The following KDM1A variants were observed in gnomAD, a reference collection of about 807,000 sequenced individuals.
The protein encoded by KDM1A is lysine demethylase 1A, also known as lysine-specific histone demethylase 1A.
KDM1A carries 49 observed loss-of-function variants against 109.4 expected under a neutral mutation model. That is an observed-to-expected ratio of 0.45 (90% CI 0.36 to 0.57). The LOEUF (loss-of-function observed/expected upper bound fraction) is 0.57. KDM1A is among the 20% of genes least tolerant of loss of function. The probability of loss-of-function intolerance (pLI) is 0.00; values close to 1 mark genes in which losing one functional copy is unlikely to be tolerated. For missense variants in KDM1A, 668 were observed against 1,116.6 expected (o/e 0.60, Z 5.73); for synonymous variants, 380 against 415.4 (o/e 0.91, Z 1.04).
intron 18 of KDM1A, 43 bp from the exon 19 acceptor site, chr1:23,081,403 A>T (rs1462713820): frequency 6.2e-7 from 1 of 1,605,514 alleles, no homozygotes; most frequent in Middle Eastern, 1.7e-4. Flanking sequence ...TTTTGAGGAA[A>T]GTCTGTAGGA....
chr1:23,023,298 C>CA (rs1641697016), intron 1 of KDM1A, among the ~76,000 whole-genome samples: 1 of 152,192 alleles, frequency 6.6e-6, no homozygotes. Flanking sequence ...TATCCAATGT[C>CA]ACGAGGATTT....
Position 23,019,901 on chromosome 1 carries a change from C to T in KDM1A, c.305C>T (p.Ala102Val), listed in dbSNP as rs1262946068. The change falls in exon 1 of 21, where the codon GCA (alanine) becomes GTA (valine). Residue 102 changes from alanine (A) to valine (V), a missense_variant. By Grantham distance (64) the Ala-to-Val change is moderately conservative. Around this residue, in one of 8 missense-constraint regions of KDM1A, gnomAD observed 156 missense variants for 163.4 expected, o/e 0.95. Transcript: ENST00000400181. ...GCGACCCCCATGGAAACTGGAATAG[C>T]AGAGACTCCGGAGGGGCGTCGGACC... ...GSATPMETGI[A>V]ETPEGRRTSR... 6 of 1,572,978 alleles carry T rather than the reference C, an allele frequency of 3.8e-6. No homozygotes were observed. Among genetic ancestry groups the T allele is most frequent in the Non-Finnish European group, 4.3e-6 (5 of 1,162,180 alleles).
chr1:23,048,196 A>T (rs979013549), intron 3 of KDM1A, among the ~76,000 whole-genome samples: 1 of 152,134 alleles, frequency 6.6e-6, no homozygotes, highest in African/African-American at 2.4e-5. Flanking sequence ...CTCAGGATTT[A>T]ATGTGTAGAT....
intron 2 of KDM1A, among the ~76,000 whole-genome samples, chr1:23,043,288 G>A (rs1031984996): frequency 1.3e-5 from 2 of 152,174 alleles, no homozygotes; most frequent in African/African-American, 2.4e-5. Context: ...CCCTTCAGAC[G>A]AGAGCTTAGT....
intron 3 of KDM1A, among the ~76,000 whole-genome samples, chr1:23,047,022 T>G (rs532285772): frequency 2.3e-4 from 35 of 152,348 alleles, no homozygotes; most frequent in African/African-American, 8.4e-4. Flanking sequence ...GTACTGTTGG[T>G]ACTTTTAGGA....
intron 1 of KDM1A, among the ~76,000 whole-genome samples, chr1:23,022,768 C>T (rs1309528789): frequency 1.3e-5 from 2 of 150,900 alleles, no homozygotes; most frequent in Non-Finnish European, 2.9e-5. Context: ...AAGCGATTCT[C>T]CTGCCTTAGC....
chr1:23,078,067 G>A (rs1375302448), intron 16 of KDM1A, among the ~76,000 whole-genome samples: 3 of 152,170 alleles, frequency 2.0e-5, no homozygotes, highest in African/African-American at 7.2e-5. Flanking sequence ...ACCCATGTAT[G>A]ACTATGTAGG....
intron 16 of KDM1A, among the ~76,000 whole-genome samples, chr1:23,078,253 T>TGA (rs1643522774): frequency 6.6e-6 from 1 of 152,230 alleles, no homozygotes; most frequent in Non-Finnish European, 1.5e-5. Flanking sequence ...TCTGCAGCCT[T>TGA]GAGCCTTTTG....
At chr1:23,069,921 T>TA (rs1643269837) in intron 12 of KDM1A, among the ~76,000 whole-genome samples, 1 of 151,620 alleles carries the variant, frequency 6.6e-6, no homozygotes, top group Admixed American at 6.5e-5. Context: ...AGGGGGCCTT[T>TA]ATAGTGCATA....
chr1:23,055,908 T>C (rs1332722123), intron 6 of KDM1A, 24 bp from the exon 7 acceptor site: 4 of 1,500,768 alleles, frequency 2.7e-6, no homozygotes, highest in Non-Finnish European at 3.6e-6. Flanking sequence ...AAACAAAATC[T>C]TTTTTTTCAT....
intron 2 of KDM1A, among the ~76,000 whole-genome samples, chr1:23,042,491 C>T (rs1228137246): frequency 1.9e-5 from 2 of 103,006 alleles, no homozygotes; most frequent in South Asian, 3.6e-4. Context: ...CTCGCTCTGT[C>T]GCCCAGGCTG....
At chr1:23,063,054 T>TG (rs1369243743) in intron 9 of KDM1A, among the ~76,000 whole-genome samples, 1 of 151,888 alleles carries the variant, frequency 6.6e-6, no homozygotes, top group African/African-American at 2.4e-5. Flanking sequence ...GCACAATTGG[T>TG]GGGGGAGACA....
Position 23,055,057 on chromosome 1 carries a change from C to T in KDM1A, c.791-12C>T. 6.5e-7 allele frequency: 1 copy of T among 1,548,272 alleles called. No homozygotes were observed. Among genetic ancestry groups the T allele is most frequent in the Non-Finnish European group, 8.8e-7 (1 of 1,134,198 alleles). ...AAAATAAAACCGTGTTTTTAATCCACTTATTCTGTAGGTGATACTGTGCTT... is the reference window on the plus strand; with the variant it reads ...AAAATAAAACCGTGTTTTTAATCCATTTATTCTGTAGGTGATACTGTGCTT... On this transcript the variant is annotated splice_polypyrimidine_tract_variant and intron_variant, in intron 5 of 20. Coordinates refer to ENST00000400181, the MANE Select transcript of KDM1A (RefSeq NM_001009999.3).
At chr1:23,032,931 G>T (rs1180021360) in intron 2 of KDM1A, among the ~76,000 whole-genome samples, 1 of 152,154 alleles carries the variant, frequency 6.6e-6, no homozygotes, top group Admixed American at 6.5e-5. Context: ...ACGGAGTCTC[G>T]CTCTGTCGCC....
At chr1:23,033,684 T>C (rs1404795584) in intron 2 of KDM1A, among the ~76,000 whole-genome samples, 1 of 152,242 alleles carries the variant, frequency 6.6e-6, no homozygotes, top group Non-Finnish European at 1.5e-5. Flanking sequence ...CAAGGTATTC[T>C]GAAGTCAGTG....
At chr1:23,036,194 T>C (rs1401233278) in intron 2 of KDM1A, among the ~76,000 whole-genome samples, 2 of 152,084 alleles carry the variant, frequency 1.3e-5, no homozygotes, top group Non-Finnish European at 2.9e-5. Context: ...CTTTCAGGTT[T>C]AGTGAGGATT....
intron 2 of KDM1A, among the ~76,000 whole-genome samples, chr1:23,032,055 G>A (rs749945422): frequency 3.3e-5 from 5 of 151,946 alleles, no homozygotes; most frequent in Admixed American, 6.5e-5. Context: ...TTCACCCTGT[G>A]CTCTTTTCTT....
intron 9 of KDM1A, among the ~76,000 whole-genome samples, chr1:23,063,244 GT>G (rs1276761730): frequency 7.0e-6 from 1 of 141,880 alleles, no homozygotes; most frequent in Admixed American, 7.2e-5. Context: ...GTGTGTGTGT[GT>G]GTGTGTGTGT....
At chr1:23,061,057 G>A (rs1009581358) in intron 9 of KDM1A, among the ~76,000 whole-genome samples, 3 of 152,190 alleles carry the variant, frequency 2.0e-5, no homozygotes, top group Non-Finnish European at 2.9e-5. Flanking sequence ...CTTTTTTCTA[G>A]TAGAGATATC....
Sources: gnomAD v4.1 joint callset for allele counts (sites outside exome capture counted in the v4.1 genomes callset) on GRCh38, gnomAD v4.1.1 for gene constraint, gnomAD v4.1.1 regional missense constraint, MANE v1.5 for transcripts, NCBI Gene and HGNC (gene_info 2026-07-23, HGNC 2026-07-21) for gene names.